The following SLX4 variants were observed in gnomAD, a reference collection of about 807,000 sequenced individuals.
SLX4 encodes structure-specific endonuclease subunit SLX4.
SLX4 carries 112 observed loss-of-function variants against 146.2 expected under a neutral mutation model. The observed-to-expected ratio is 0.77, with a 90% confidence interval of 0.66 to 0.90. SLX4 has a LOEUF of 0.90. Among genes scored for constraint, SLX4 ranks in the 40% least tolerant of loss-of-function variants. The probability of loss-of-function intolerance (pLI) is 0.00; values close to 1 mark genes in which losing one functional copy is unlikely to be tolerated. For missense variants in SLX4, 2,563 were observed against 2,392.7 expected (o/e 1.07, Z -1.49); for synonymous variants, 1,061 against 997.7 (o/e 1.06, Z -1.20).
Position 3,591,234 on chromosome 16 carries a change from C to T in SLX4, c.2404G>A (p.Glu802Lys). The T allele has an allele frequency of 1.9e-6, 3 of 1,613,704 alleles. No homozygotes were observed. The highest frequency in any genetic ancestry group is 2.5e-6 in the Non-Finnish European group (3 of 1,180,044). Residue 802 changes from glutamate (E) to lysine (K), a missense_variant, in exon 12 of 15, where the codon GAG (glutamate) becomes AAG (lysine). Coordinates refer to ENST00000294008, the MANE Select transcript of SLX4 (RefSeq NM_032444.4). ...ATDSEGKPWE[E>K]KEAENCESRA... ...CTTTCGCAATTCTCTGCTTCCTTCT[C>T]CTCCCATGGTTTGCCCTCTGAGTCA...
chr16:3,591,330 C>T lies in SLX4; in HGVS notation c.2328-20G>A, dbSNP rs538060054. On this transcript the variant is annotated intron_variant, in intron 11 of 14. Transcript: ENST00000294008. ...CCAAACCTGCAACACGAAACATCGA[C>T]AGTCATCGCCCCTCTGCGTGGAGAT... The T allele has an allele frequency of 5.6e-6, 9 of 1,607,726 alleles. No homozygotes were observed. The African/African-American group carries it at 9.3e-5, about 17-fold the overall frequency.
chr16:3,589,653 A>T lies in SLX4; in HGVS notation c.3985T>A (p.Ser1329Thr). The T allele has an allele frequency of 6.2e-7, 1 of 1,613,908 alleles. No individual in the cohort carries two copies. Among genetic ancestry groups the T allele is most frequent in the South Asian group, 1.1e-5 (1 of 91,062 alleles). Residue 1329 changes from serine to threonine, a missense_variant, in exon 12 of 15, where the codon TCT becomes ACT. Coordinates refer to ENST00000294008, the MANE Select transcript of SLX4 (RefSeq NM_032444.4). This position sits in a 1 kb window ranked among gnomAD's most constrained non-coding sequence, Gnocchi z 6.2. ...CTTCTGCCGTCAGAAGTTCCTGGAGAGACGGGAGTGAGGCATGAGGACGGT... is the reference window on the plus strand; with the variant it reads ...CTTCTGCCGTCAGAAGTTCCTGGAGTGACGGGAGTGAGGCATGAGGACGGT... ...QTPSSCLTPV[S>T]PGTSDGRRQG...
rs2040608801 is a variant in SLX4 at position 3,592,811 on chromosome 16, G to C, written c.2215C>G (p.Leu739Val). 1.2e-6 allele frequency: 2 copies of C among 1,612,328 alleles called. No individual in the cohort carries two copies. Among genetic ancestry groups the C allele is most frequent in the African/African-American group, 2.7e-5 (2 of 74,864 alleles). The part of the protein sequence containing the change: ...VEDGVLTQRV[L>V]LGDVSTEAAR... ...GCCTCGGTGCTCACGTCACCCAGCA[G>C]GACACGCTGGGTCAGAACCCCGTCC... is the stretch of plus-strand genomic sequence containing the variant. Residue 739 changes from leucine to valine, a missense_variant, in exon 11 of 15, where the codon CTG (leucine) becomes GTG (valine). Physicochemically the swap from Leu to Val is conservative, Grantham distance 32. Transcript: ENST00000294008.
rs1003342051 is a variant in SLX4, at chr16:3,608,607, T to C, written c.358A>G (p.Thr120Ala). ...KPPSGSQAPR[T>A]KKQRVTKWQA... ...CATTTGGTTACCCTTTGCTTTTTAG[T>C]CCTAGGGGCCTGGCTGCCAGACGGA... is the stretch of plus-strand genomic sequence containing the variant. The change falls in exon 2 of 15, where the codon ACT (threonine) becomes GCT (alanine). Residue 120 changes from threonine to alanine, a missense_variant. Physicochemically the swap from Thr to Ala is moderately conservative, Grantham distance 58. Coordinates refer to ENST00000294008, the MANE Select transcript of SLX4 (RefSeq NM_032444.4). 4 of 1,614,138 alleles carry C rather than the reference T, an allele frequency of 2.5e-6. No homozygotes were observed. The highest frequency in any genetic ancestry group is 2.2e-5 in the East Asian group (1 of 44,874).
rs748897456 is a variant in SLX4, at chr16:3,584,762, C to T, written c.4739+7G>A. ...ACTGTGGGCAACAAGCTTTGAAGACCGCCAACCTATCCAGTTCCTTCTTCA... is the reference window on the plus strand; with the variant it reads ...ACTGTGGGCAACAAGCTTTGAAGACTGCCAACCTATCCAGTTCCTTCTTCA... On this transcript the variant is annotated splice_region_variant and intron_variant, in intron 13 of 14. Coordinates refer to ENST00000294008, the MANE Select transcript of SLX4 (RefSeq NM_032444.4). 26 of 1,608,336 alleles carry T rather than the reference C, an allele frequency of 1.6e-5. 1 individual carries two copies. Among genetic ancestry groups the T allele is most frequent in the African/African-American group, 2.7e-5 (2 of 74,802 alleles).
At chr16:3,601,702 A>G (rs984929557) in intron 4 of SLX4, 3 of 312,666 alleles carry the variant, frequency 9.6e-6, no homozygotes, top group South Asian at 6.0e-5. Context: ...CAAAAACAAC[A>G]TATTAAGTCA....
chr16:3,585,819 A>G (rs1054323827), intron 12 of SLX4, among the ~76,000 whole-genome samples: 257 of 150,246 alleles, frequency 1.7e-3, no homozygotes, highest in Non-Finnish European at 2.8e-3. Context: ...AAAAAAAAAA[A>G]TACAAAAAAA....
chr16:3,593,556 T>C lies in SLX4; in HGVS notation c.2161-691A>G, dbSNP rs1255270790. 2.6e-5 allele frequency among the ~76,000 whole-genome samples: 4 copies of C among 152,198 alleles called. No homozygotes were observed. The South Asian group carries it at 8.3e-4, about 31-fold the overall frequency. On this transcript the variant is annotated intron_variant, in intron 10 of 14. Coordinates refer to ENST00000294008, the MANE Select transcript of SLX4 (RefSeq NM_032444.4). ...GCAGCTCCATGCCCCAGGAAAAGCA[T>C]TAGCCACTGTTTATGCAGATTTTTG...
chr16:3,587,068 T>C (rs2151119488), intron 12 of SLX4, among the ~76,000 whole-genome samples: 1 of 152,268 alleles, frequency 6.6e-6, no homozygotes, highest in Admixed American at 6.5e-5. Flanking sequence ...ATTTTTGAGA[T>C]GATGAAAATG....
Position 3,602,846 on chromosome 16 carries a change from T to C in SLX4, c.761-539A>G, listed in dbSNP as rs982425977. ...CGTTTAAAAGGCAGCATCTCTTACT[T>C]AGCATCAGACTCAAGAATGGACTGA... is the stretch of plus-strand genomic sequence containing the variant. On this transcript the variant is annotated intron_variant, in intron 3 of 14. Coordinates refer to ENST00000294008, the MANE Select transcript of SLX4 (RefSeq NM_032444.4). Among the ~76,000 whole-genome samples, 3 of 152,176 alleles carry C rather than the reference T, an allele frequency of 2.0e-5. No individual in the cohort carries two copies. In the East Asian group the frequency reaches 5.8e-4, roughly 29 times the overall value.
chr16:3,582,719 G>C, intron 14 of SLX4, 26 bp from the exon 15 acceptor site: 1 of 1,590,184 alleles, frequency 6.3e-7, no homozygotes, highest in South Asian at 1.1e-5. Context: ...CCAGGACGTT[G>C]TGCAACCCCT....
rs575857775 is a variant in SLX4 at position 3,601,062 on chromosome 16, C to T, written c.1080G>A (p.Met360Ile). ...TSHLKQCAVK[M>I]EVGPQLLLQA... is the part of the protein sequence containing the mutation. ...GAAGCAGGAGCTGGGGGCCAACCTC[C>T]ATCTTCACAGCACACTGCTTCAAGT... is the stretch of plus-strand genomic sequence containing the variant. The change falls in exon 5 of 15, where the codon ATG becomes ATA. Residue 360 changes from methionine (M) to isoleucine (I), a missense_variant. Met to Ile is a conservative substitution (Grantham distance 10). Transcript: ENST00000294008. The T allele has an allele frequency of 1.1e-5, 17 of 1,613,996 alleles. 1 individual carries two copies. The Admixed American group carries it at 2.8e-4, about 27-fold the overall frequency.
rs2151121628 is a variant in SLX4, at chr16:3,589,345, C to T, written c.4293G>A (p.Glu1431=). The T allele has an allele frequency of 6.3e-7, 1 of 1,579,196 alleles. No individual in the cohort carries two copies. Among genetic ancestry groups the T allele is most frequent in the Non-Finnish European group, 8.6e-7 (1 of 1,160,254 alleles). Residue 1431 remains glutamate (E), a synonymous_variant, in exon 12 of 15, where the codon GAG becomes GAA. Coordinates refer to ENST00000294008, the MANE Select transcript of SLX4 (RefSeq NM_032444.4). This position sits in a 1 kb window ranked among gnomAD's most constrained non-coding sequence, Gnocchi z 6.2. Reference sequence around the variant, plus strand: ...GGTCAATGGGAATTGGCGAGAGGGGCTCCATGTGCCAGCAGCAGTCGTCAA... The same window carrying T: ...GGTCAATGGGAATTGGCGAGAGGGGTTCCATGTGCCAGCAGCAGTCGTCAA... ...IPIDDCCWHM[E]PLSPIPIDHW...
Position 3,589,362 on chromosome 16 carries a change from AGTC to A in SLX4, c.4273_4275del (p.Asp1425del), listed in dbSNP as rs755109579. 1.3e-6 allele frequency: 2 copies of A among 1,585,406 alleles called. No individual in the cohort carries two copies. The highest frequency in any genetic ancestry group is 1.7e-6 in the Non-Finnish European group (2 of 1,162,838). On this transcript the variant is annotated inframe_deletion, in exon 12 of 15. Coordinates refer to ENST00000294008, the MANE Select transcript of SLX4 (RefSeq NM_032444.4). This position sits in a 1 kb window ranked among gnomAD's most constrained non-coding sequence, Gnocchi z 6.2. ...GAGAGGGGCTCCATGTGCCAGCAGC[AGTC>A]GTCAATTGGAATTGGGGGGTCACTG... is the stretch of plus-strand genomic sequence containing the variant.
chr16:3,600,851 C>T (rs1285403009), intron 5 of SLX4, 128 bp downstream of exon 5: 18 of 996,044 alleles, frequency 1.8e-5, no homozygotes, highest in Non-Finnish European at 2.8e-5. Flanking sequence ...CCACCTTGGC[C>T]TCCCAAAGTG....
chr16:3,604,348 G>GA (rs779713051), intron 3 of SLX4, among the ~76,000 whole-genome samples: 2 of 151,460 alleles, frequency 1.3e-5, no homozygotes, highest in African/African-American at 4.9e-5. Context: ...TCCTTGTTCA[G>GA]AAAAAAAAGA....
chr16:3,585,634 GAGA>G (rs2151118681), intron 12 of SLX4, among the ~76,000 whole-genome samples: 1 of 148,684 alleles, frequency 6.7e-6, no homozygotes, highest in South Asian at 2.2e-4. Context: ...CATTTCTCCA[GAGA>G]AGATCTACAA....
At chr16:3,595,884 A>G (rs903546789) in intron 8 of SLX4, among the ~76,000 whole-genome samples, 191 bp from the exon 9 acceptor site, 55 of 152,240 alleles carry the variant, frequency 3.6e-4, no homozygotes, top group African/African-American at 1.3e-3. Flanking sequence ...AGGTAAGAGA[A>G]GAGCAAAACA....
intron 1 of SLX4, among the ~76,000 whole-genome samples, chr16:3,611,149 A>C (rs1039496730): frequency 3.9e-5 from 6 of 152,246 alleles, no homozygotes; most frequent in African/African-American, 1.4e-4. Context: ...GGCTCACAGC[A>C]GGCGAGGGAT....
Sources: allele counts gnomAD v4.1 joint callset (sites outside exome capture counted in the v4.1 genomes callset), GRCh38; gene constraint gnomAD v4.1.1; non-coding constraint Gnocchi (gnomAD v3.1); transcripts MANE v1.5; gene names NCBI Gene and HGNC (gene_info 2026-07-23, HGNC 2026-07-21).